AMOT: variants seen among roughly 807,000 people sequenced by gnomAD.
The protein encoded by AMOT is angiomotin.
In AMOT, 11 loss-of-function variants were observed where a neutral mutation model predicts 67.0. The observed-to-expected ratio is 0.16, with a 90% CI of 0.10 to 0.27. The LOEUF is 0.27. Ranked by LOEUF, AMOT falls within the 10% of genes least tolerant of loss-of-function variation. AMOT has a pLI of 1.00. For synonymous variants in AMOT, 326 were observed against 321.4 expected, an observed-to-expected ratio of 1.01 and a Z score of -0.15; for missense variants, 753 against 852.0, an observed-to-expected ratio of 0.88 and a Z score of 1.45.
intron 10 of AMOT, among the ~76,000 whole-genome samples, chrX:112,784,638 G>A (rs1035920760): frequency 1.8e-5 from 2 of 111,935 alleles, no homozygotes; most frequent in South Asian, 7.5e-4. Flanking sequence ...GAGCGAGAGC[G>A]AGAGAGAATG....
At position 112,779,393 on chromosome X, in the gene AMOT, GAGC is replaced by G. The variant is rs765381576; in HGVS notation, c.2758_2760del (p.Ala920del). ...GGAGACGGGGCAGCAGCAGCAGCTG[GAGC>G]AGCAGCAGCAGCAACAGCAACTGGA... On this transcript the variant is annotated inframe_deletion, in exon 13 of 14. Transcript: ENST00000371959. The G allele has an allele frequency of 1.6e-5, 16 of 1,019,183 alleles. No individual in the cohort carries two copies. The highest frequency in any genetic ancestry group is 2.0e-5 in the South Asian group (1 of 50,563). 84.0% of individuals were successfully genotyped at this position (1,019,183 alleles called of 1,213,427 possible).
intron 8 of AMOT, among the ~76,000 whole-genome samples, chrX:112,793,292 C>T (rs1486461797): frequency 9.0e-6 from 1 of 111,168 alleles, no homozygotes; most frequent in African/African-American, 3.3e-5. Flanking sequence ...TTCAGGCATC[C>T]GATTCTGACT....
At chrX:112,835,773 G>C (rs758297179) in intron 1 of AMOT, among the ~76,000 whole-genome samples, 196 of 111,150 alleles carry the variant, frequency 1.8e-3, no homozygotes, top group Middle Eastern at 4.6e-3. Flanking sequence ...AGTAGAGACA[G>C]GGGTTTCACC....
chrX:112,796,168 G>A (rs774532693), intron 8 of AMOT, among the ~76,000 whole-genome samples: 1 of 111,732 alleles, frequency 8.9e-6, no homozygotes, highest in Admixed American at 9.5e-5. Context: ...TCAGCCAAAC[G>A]GGGTCCTAAG....
In AMOT at chrX:112,778,679, G is replaced by A. The variant is rs1602744195; in HGVS notation, c.3158-15C>T. 1.7e-6 allele frequency: 2 copies of A among 1,167,231 alleles called. No individual in the cohort carries two copies. The highest frequency in any genetic ancestry group is 1.8e-5 in the African/African-American group (1 of 56,716). ...CACAGGCCCATCTAAATGGAAATAAGGGTTAGAAAACACTTAGGGATGAAG... is the reference window on the plus strand; with the variant it reads ...CACAGGCCCATCTAAATGGAAATAAAGGTTAGAAAACACTTAGGGATGAAG... On this transcript the variant is annotated splice_polypyrimidine_tract_variant and intron_variant, in intron 13 of 13. Coordinates refer to ENST00000371959, the MANE Select transcript of AMOT (RefSeq NM_001113490.2).
At chrX:112,793,850 G>A (rs978337526) in intron 8 of AMOT, among the ~76,000 whole-genome samples, 1 of 111,796 alleles carries the variant, frequency 8.9e-6, no homozygotes. Flanking sequence ...CGGGATTTGT[G>A]GCTGTTTATA....
At position 112,815,568 on chromosome X, in the gene AMOT, C is replaced by CTGT; in HGVS notation, c.1179_1181dup (p.Gln398dup). The CTGT allele has an allele frequency of 8.3e-6, 10 of 1,206,623 alleles. No individual in the cohort carries two copies. Among genetic ancestry groups the CTGT allele is most frequent in the Non-Finnish European group, 1.1e-5 (10 of 891,496 alleles). The stretch of plus-strand genomic sequence containing the variant: ...GCTGCTGCTGTGGCTGCTGCTGCTG[C>CTGT]TGTTGTTGGTGGTGATGGTGATGAT... On this transcript the variant is annotated inframe_insertion, in exon 5 of 14. Coordinates refer to ENST00000371959, the MANE Select transcript of AMOT (RefSeq NM_001113490.2).
intron 5 of AMOT, among the ~76,000 whole-genome samples, chrX:112,812,668 A>C (rs977105932): frequency 8.0e-5 from 9 of 112,086 alleles, no homozygotes; most frequent in Non-Finnish European, 1.3e-4. Flanking sequence ...CTATTAAGCA[A>C]TTTTCAGATT....
chrX:112,789,303 G>A (rs781759920), intron 10 of AMOT, among the ~76,000 whole-genome samples: 3 of 111,464 alleles, frequency 2.7e-5, no homozygotes, highest in Non-Finnish European at 5.6e-5. Context: ...TACAACCTTC[G>A]AGACCATCTT....
chrX:112,811,477 T>A, intron 5 of AMOT, 84 bp from the exon 6 acceptor site: 1 of 1,068,867 alleles, frequency 9.4e-7, no homozygotes, highest in Non-Finnish European at 1.3e-6. Context: ...AAATCCTCGC[T>A]GACAGCTTCT....
At chrX:112,787,916 CTTCT>C (rs1394076990) in intron 10 of AMOT, among the ~76,000 whole-genome samples, 3 of 111,753 alleles carry the variant, frequency 2.7e-5, no homozygotes, top group Non-Finnish European at 3.8e-5. Context: ...TTCCATTTTT[CTTCT>C]TTCTTTTCTA....
chrX:112,834,923 GTTTAAT>G (rs1433853103), intron 1 of AMOT, among the ~76,000 whole-genome samples: 1 of 112,176 alleles, frequency 8.9e-6, no homozygotes, highest in Non-Finnish European at 1.9e-5. Flanking sequence ...GTACAAAACT[GTTTAAT>G]TTTTTTTCCA....
chrX:112,839,186 T>C (rs1935220882), intron 1 of AMOT, among the ~76,000 whole-genome samples: 1 of 112,575 alleles, frequency 8.9e-6, no homozygotes, highest in South Asian at 3.7e-4. Context: ...AATAAGTCTT[T>C]GAACACCATC....
chrX:112,792,100 C>A, intron 8 of AMOT, 119 bp from the exon 9 acceptor site: 1 of 862,587 alleles, frequency 1.2e-6, no homozygotes, highest in Non-Finnish European at 1.6e-6. Flanking sequence ...TAGAGTCCAG[C>A]TGCAAAAAGG....
chrX:112,780,621 T>A, intron 12 of AMOT: 1 of 379,392 alleles, frequency 2.6e-6, no homozygotes, highest in Non-Finnish European at 4.6e-6. Context: ...GAAATTAGAG[T>A]TATCTTCCTT....
At chrX:112,818,860 GAAC>G (rs1478110625) in intron 4 of AMOT, among the ~76,000 whole-genome samples, 37 of 111,104 alleles carry the variant, frequency 3.3e-4, no homozygotes, top group Non-Finnish European at 1.5e-4. Flanking sequence ...CGTTAACCAG[GAAC>G]AACAAGCCGC....
intron 1 of AMOT, among the ~76,000 whole-genome samples, chrX:112,838,247 CG>C (rs1385741235): frequency 9.0e-6 from 1 of 111,604 alleles, no homozygotes; most frequent in African/African-American, 3.3e-5. Context: ...GGAAAAGAAG[CG>C]TTAAGAGGGG....
chrX:112,815,427 G>C lies in AMOT; in HGVS notation c.1323C>G (p.Leu441=), dbSNP rs1238228119. Residue 441 remains leucine, a synonymous_variant, in exon 5 of 14, where the codon CTC becomes CTG. Coordinates refer to ENST00000371959, the MANE Select transcript of AMOT (RefSeq NM_001113490.2). ...VSRAQQMVEI[L]SDENRNLRQE... ...GCCTCAAGTTCCGGTTCTCGTCTGA[G>C]AGGATCTCAACCATCTGCTGGGCTC... The C allele has an allele frequency of 3.3e-6, 4 of 1,210,154 alleles. No individual in the cohort carries two copies. Among genetic ancestry groups the C allele is most frequent in the Non-Finnish European group, 4.5e-6 (4 of 895,357 alleles).
intron 9 of AMOT, among the ~76,000 whole-genome samples, chrX:112,791,617 C>T (rs1401990852): frequency 8.9e-6 from 1 of 111,914 alleles, no homozygotes; most frequent in Non-Finnish European, 1.9e-5. Flanking sequence ...AGATAAAAGG[C>T]TTAAAGGATA....
Sources: gnomAD v4.1 joint callset for allele counts (sites outside exome capture counted in the v4.1 genomes callset) on GRCh38, gnomAD v4.1.1 for gene constraint, MANE v1.5 for transcripts, NCBI Gene and HGNC (gene_info 2026-07-23, HGNC 2026-07-21) for gene names.